Variants in CWC27 observed in about 807,000 individuals in gnomAD.
CWC27 encodes the protein spliceosome-associated protein CWC27 homolog.
A neutral mutation model predicts 63.6 loss-of-function variants in CWC27; 47 were observed. The ratio of observed to expected loss-of-function variants is 0.74; its 90% CI spans 0.58 to 0.94. The LOEUF is 0.94. Among genes scored for constraint, CWC27 ranks in the 40% least tolerant of loss-of-function variants. The pLI is 0.00. For missense variants in CWC27, 495 were observed against 554.3 expected (o/e 0.89, Z 1.07); for synonymous variants, 175 against 179.8 (o/e 0.97, Z 0.22).
At chr5:64,789,067 G>A in intron 7 of CWC27, 47 bp downstream of exon 7, 1 of 1,329,290 alleles carries the variant, frequency 7.5e-7, no homozygotes, top group Non-Finnish European at 1.1e-6. Context: ...AGAGATTGGG[G>A]TCTATATCTT....
chr5:64,817,083 A>G (rs1380251269), intron 10 of CWC27, among the ~76,000 whole-genome samples: 1 of 151,882 alleles, frequency 6.6e-6, no homozygotes, highest in Non-Finnish European at 1.5e-5. Context: ...ACTTTCTCAT[A>G]TGTTTTGGCC....
At chr5:64,896,755 A>G (rs79004105) in intron 11 of CWC27, among the ~76,000 whole-genome samples, 3 of 152,256 alleles carry the variant, frequency 2.0e-5, no homozygotes, top group Non-Finnish European at 2.9e-5. Context: ...TTTAAAAAAA[A>G]GAAAAAAGAT....
intron 11 of CWC27, among the ~76,000 whole-genome samples, chr5:64,902,828 A>G (rs1561149639): frequency 6.6e-6 from 1 of 152,222 alleles, no homozygotes; most frequent in African/African-American, 2.4e-5. Context: ...TCTTACTACT[A>G]TTGGGTAGTA....
At chr5:64,787,952 C>CA (rs1381729224) in intron 6 of CWC27, among the ~76,000 whole-genome samples, 2 of 152,080 alleles carry the variant, frequency 1.3e-5, no homozygotes, top group Non-Finnish European at 2.9e-5. Flanking sequence ...TTAAAACACC[C>CA]AGTAGTATAG....
chr5:64,886,498 C>A (rs1747075140), intron 11 of CWC27, among the ~76,000 whole-genome samples: 1 of 151,996 alleles, frequency 6.6e-6, no homozygotes, highest in Admixed American at 6.5e-5. Context: ...CTACTAGATT[C>A]TATTAACAGT....
chr5:64,823,672 C>G (rs1402631291), intron 10 of CWC27, among the ~76,000 whole-genome samples: 2 of 152,136 alleles, frequency 1.3e-5, no homozygotes, highest in Non-Finnish European at 2.9e-5. Context: ...ATAGTATAAA[C>G]AGACTGAGCA....
At chr5:64,885,863 A>G (rs16893224) in intron 11 of CWC27, among the ~76,000 whole-genome samples, 51,116 of 151,838 alleles carry the variant, frequency 0.34, 8,929 homozygotes, top group East Asian at 0.52. Flanking sequence ...CATGAAAACT[A>G]ACAGAATACT....
chr5:64,840,763 A>T (rs915425091), intron 10 of CWC27, among the ~76,000 whole-genome samples: 3 of 152,144 alleles, frequency 2.0e-5, no homozygotes, highest in Non-Finnish European at 2.9e-5. Context: ...AAATATGAAC[A>T]GTGGATTAGA....
intron 11 of CWC27, among the ~76,000 whole-genome samples, chr5:64,916,490 A>G (rs974024750): frequency 3.3e-5 from 5 of 152,196 alleles, no homozygotes; most frequent in Non-Finnish European, 7.3e-5. Flanking sequence ...ACAAAATGGA[A>G]CTAAGCACTA....
At chr5:64,880,853 CA>C (rs757116174) in intron 10 of CWC27, among the ~76,000 whole-genome samples, 3 of 136,088 alleles carry the variant, frequency 2.2e-5, no homozygotes, top group African/African-American at 5.5e-5. Flanking sequence ...TTATAAAAGC[CA>C]TTTTTTTTTT....
rs111254515 is a variant in CWC27 at position 64,985,717 on chromosome 5, T to C, written c.1256+8479T>C. Among the ~76,000 whole-genome samples the C allele has an allele frequency of 1.6e-3, 240 of 152,322 alleles. 1 individual carries two copies. The highest frequency in any genetic ancestry group is 4.0e-3 in the African/African-American group (166 of 41,578). ...GTTTTATTTCTTTCTTTCTACTCTGTATGACATGTATTTATTCATTTATTT... is the reference window on the plus strand; with the variant it reads ...GTTTTATTTCTTTCTTTCTACTCTGCATGACATGTATTTATTCATTTATTT... On this transcript the variant is annotated intron_variant, in intron 13 of 13. Transcript: ENST00000381070.
At chr5:64,866,469 C>G (rs902439552) in intron 10 of CWC27, among the ~76,000 whole-genome samples, 1 of 152,068 alleles carries the variant, frequency 6.6e-6, no homozygotes, top group Non-Finnish European at 1.5e-5. Flanking sequence ...CTGTACTTCT[C>G]TAGTTTTTTA....
At chr5:64,772,688 A>AGCACTTTG (rs1319273022) in intron 1 of CWC27, among the ~76,000 whole-genome samples, 2 of 147,730 alleles carry the variant, frequency 1.4e-5, no homozygotes, top group East Asian at 3.9e-4. Context: ...CTGTAATCCC[A>AGCACTTTG]GCACTTTGGG....
intron 10 of CWC27, among the ~76,000 whole-genome samples, chr5:64,825,051 T>G (rs570649205): frequency 7.9e-5 from 12 of 152,092 alleles, no homozygotes; most frequent in Non-Finnish European, 1.6e-4. Context: ...TCTTTTCTAA[T>G]TCACAGAAAG....
intron 11 of CWC27, among the ~76,000 whole-genome samples, chr5:64,916,605 T>C (rs1747891337): frequency 6.6e-6 from 1 of 152,164 alleles, no homozygotes; most frequent in Non-Finnish European, 1.5e-5. Context: ...ACAGCTCACT[T>C]AGCTTCTTTC....
intron 11 of CWC27, among the ~76,000 whole-genome samples, chr5:64,949,436 G>A (rs965019596): frequency 8.6e-5 from 13 of 151,614 alleles, no homozygotes; most frequent in Non-Finnish European, 1.5e-4. Context: ...TTTTTTGTTG[G>A]GCTATTTTAA....
At chr5:64,862,753 A>G (rs536567515) in intron 10 of CWC27, among the ~76,000 whole-genome samples, 96 of 152,296 alleles carry the variant, frequency 6.3e-4, no homozygotes, top group African/African-American at 2.1e-3. Context: ...ACAAAATACC[A>G]TCAACTGGGT....
In CWC27 at chr5:64,977,137, C is replaced by A. The variant is rs1172418212; in HGVS notation, c.1155C>A (p.Thr385=). 6.3e-7 allele frequency: 1 copy of A among 1,596,544 alleles called. No homozygotes were observed. The highest frequency in any genetic ancestry group is 2.2e-5 in the East Asian group (1 of 44,490). ...SKKGTSREDQ[T]LALLNQFKSK... Reference sequence around the variant, plus strand: ...TAGCAGTCTAATTGTTATTTCAGACCCTTGCACTGCTGAACCAGTTTAAAT... The same window carrying A: ...TAGCAGTCTAATTGTTATTTCAGACACTTGCACTGCTGAACCAGTTTAAAT... Residue 385 remains threonine, a splice_region_variant and synonymous_variant, in exon 13 of 14, where the codon ACC becomes ACA. Coordinates refer to ENST00000381070, the MANE Select transcript of CWC27 (RefSeq NM_005869.4).
intron 10 of CWC27, among the ~76,000 whole-genome samples, chr5:64,827,827 AAATATAT>A (rs1745404289): frequency 6.6e-6 from 1 of 152,188 alleles, no homozygotes; most frequent in South Asian, 2.1e-4. Flanking sequence ...AAAATTCCAG[AAATATAT>A]AATTCATAAG....
Sources: gnomAD v4.1 joint callset for allele counts (sites outside exome capture counted in the v4.1 genomes callset) on GRCh38, gnomAD v4.1.1 for gene constraint, MANE v1.5 for transcripts, NCBI Gene and HGNC (gene_info 2026-07-23, HGNC 2026-07-21) for gene names.